Variants in LRRC49 observed in about 807,000 individuals in gnomAD.
LRRC49 encodes the protein leucine rich repeat containing 49.
Under a neutral mutation model 83.3 loss-of-function variants are expected in LRRC49, and 50 were observed. The observed-to-expected ratio is 0.60, with a 90% confidence interval of 0.48 to 0.76. LRRC49 has a LOEUF of 0.76. Among genes scored for constraint, LRRC49 ranks in the 30% least tolerant of loss-of-function variants. The pLI is 0.00. For synonymous variants in LRRC49, 286 were observed against 283.3 expected (o/e 1.01, Z -0.10); for missense variants, 704 against 809.1 (o/e 0.87, Z 1.58).
chr15:70,914,067 C>T (rs2034660843), intron 6 of LRRC49, among the ~76,000 whole-genome samples: 1 of 151,082 alleles, frequency 6.6e-6, no homozygotes. Flanking sequence ...GTTATAGAAC[C>T]TTGAGAAGTA....
chr15:71,005,560 A>T (rs2141257280), intron 11 of LRRC49, among the ~76,000 whole-genome samples: 1 of 152,288 alleles, frequency 6.6e-6, no homozygotes, highest in Middle Eastern at 3.4e-3. Flanking sequence ...TGTGTTTATT[A>T]GGTTGATTGC....
chr15:70,972,305 A>G (rs564589219), intron 9 of LRRC49, among the ~76,000 whole-genome samples: 56 of 152,298 alleles, frequency 3.7e-4, no homozygotes, highest in African/African-American at 1.3e-3. Context: ...AATGTTGAAT[A>G]TTGGCCCCCA....
At chr15:70,885,035 G>A (rs2033368454) in intron 2 of LRRC49, among the ~76,000 whole-genome samples, 1 of 152,106 alleles carries the variant, frequency 6.6e-6, no homozygotes, top group African/African-American at 2.4e-5. Flanking sequence ...ACATAGGAAT[G>A]TATTCTACAG....
intron 2 of LRRC49, among the ~76,000 whole-genome samples, chr15:70,894,401 G>A (rs538746766): frequency 3.4e-4 from 51 of 152,100 alleles, no homozygotes; most frequent in Non-Finnish European, 6.5e-4. Context: ...GTTAGCAGTG[G>A]ACACATGTTA....
At chr15:70,925,433 G>A (rs913313165) in intron 7 of LRRC49, among the ~76,000 whole-genome samples, 1 of 152,100 alleles carries the variant, frequency 6.6e-6, no homozygotes, top group African/African-American at 2.4e-5. Context: ...AGATAGCCAT[G>A]TATTACTGAA....
intron 14 of LRRC49, among the ~76,000 whole-genome samples, chr15:71,032,002 C>G (rs571097088): frequency 6.6e-6 from 1 of 152,038 alleles, no homozygotes; most frequent in African/African-American, 2.4e-5. Flanking sequence ...GGGGAGTGAA[C>G]GGTTCTGTCT....
At chr15:70,922,168 A>C (rs1250833307) in intron 7 of LRRC49, among the ~76,000 whole-genome samples, 4 of 152,156 alleles carry the variant, frequency 2.6e-5, no homozygotes, top group Non-Finnish European at 5.9e-5. Context: ...CAGCAGTCCT[A>C]CTGTTGGGTA....
intron 1 of LRRC49, among the ~76,000 whole-genome samples, chr15:70,870,281 G>A (rs1490184933): frequency 6.6e-6 from 1 of 152,258 alleles, no homozygotes; most frequent in Non-Finnish European, 1.5e-5. Flanking sequence ...TTGCTGCAGA[G>A]CAGCCCACAC....
intron 8 of LRRC49, among the ~76,000 whole-genome samples, chr15:70,943,546 C>T (rs2035898683): frequency 1.3e-5 from 2 of 152,154 alleles, no homozygotes; most frequent in Non-Finnish European, 2.9e-5. Context: ...TTGCAGTGGG[C>T]TGTCCATATG....
intron 14 of LRRC49, among the ~76,000 whole-genome samples, chr15:71,025,595 G>A (rs756070955): frequency 6.6e-6 from 1 of 151,974 alleles, no homozygotes; most frequent in East Asian, 1.9e-4. Context: ...AGACCCATCG[G>A]TGTGCTGTAT....
rs1406902673 is a variant in LRRC49, at chr15:70,854,708, C to T, written c.-299+1239C>T. 2.6e-5 allele frequency among the ~76,000 whole-genome samples: 4 copies of T among 152,146 alleles called. No homozygotes were observed. The East Asian group carries it at 7.8e-4, about 29-fold the overall frequency. On this transcript the variant is annotated intron_variant, in intron 1 of 16. Coordinates refer to the LRRC49 transcript ENST00000544974. The stretch of plus-strand genomic sequence containing the variant: ...TCAGTTTTTCTCCAAGTGTGGTTCC[C>T]AGACCAGGAGCATCAGCTGCACCGG...
intron 7 of LRRC49, among the ~76,000 whole-genome samples, chr15:70,930,867 T>C (rs898549106): frequency 2.0e-5 from 3 of 152,234 alleles, no homozygotes; most frequent in African/African-American, 4.8e-5. Flanking sequence ...TCAGCCTTCA[T>C]AGAATTGTTG....
At chr15:70,892,698 C>T (rs2141094970), upstream of LRRC49, 1 of 1,460,678 alleles carries the variant, frequency 6.8e-7, no homozygotes, top group East Asian at 2.5e-5. Flanking sequence ...ACGCACTGGG[C>T]TCTCACGAAT....
At chr15:70,859,653 T>C (rs1219820741) in intron 1 of LRRC49, 4 of 644,520 alleles carry the variant, frequency 6.2e-6, no homozygotes, top group Non-Finnish European at 8.9e-6. Flanking sequence ...AACTGGAACA[T>C]CAGCCGGCTC....
At chr15:70,952,099 T>C (rs914127197) in intron 8 of LRRC49, among the ~76,000 whole-genome samples, 2 of 152,134 alleles carry the variant, frequency 1.3e-5, no homozygotes, top group Non-Finnish European at 2.9e-5. Flanking sequence ...CAACTTTGCA[T>C]CCCAGGAATA....
intron 1 of LRRC49, among the ~76,000 whole-genome samples, chr15:70,864,612 T>G (rs2032871364): frequency 6.6e-6 from 1 of 152,238 alleles, no homozygotes; most frequent in African/African-American, 2.4e-5. Flanking sequence ...CAGTTTCAGA[T>G]GCGTGACATG....
chr15:70,974,379 G>T (rs1438485921), intron 9 of LRRC49, among the ~76,000 whole-genome samples: 5 of 152,118 alleles, frequency 3.3e-5, no homozygotes, highest in Non-Finnish European at 7.4e-5. Context: ...GTAGATTTTT[G>T]ATTCAAGTAT....
At chr15:70,944,837 C>T (rs1023070637) in intron 8 of LRRC49, among the ~76,000 whole-genome samples, 9 of 152,122 alleles carry the variant, frequency 5.9e-5, no homozygotes, top group South Asian at 2.1e-4. Context: ...GACACAGAGT[C>T]GCCTCACACC....
At chr15:70,918,995 A>G in intron 6 of LRRC49, 55 bp from the exon 7 acceptor site, 1 of 1,401,076 alleles carries the variant, frequency 7.1e-7, no homozygotes, top group Non-Finnish European at 9.8e-7. Flanking sequence ...TTTTTAGAAC[A>G]TGTATATTTC....
Sources: gnomAD v4.1 joint callset for allele counts (sites outside exome capture counted in the v4.1 genomes callset) on GRCh38, gnomAD v4.1.1 for gene constraint, MANE v1.5 for transcripts, NCBI Gene and HGNC (gene_info 2026-07-23, HGNC 2026-07-21) for gene names.